Variants in SND1 observed in about 807,000 individuals in gnomAD.
SND1 encodes staphylococcal nuclease domain-containing protein 1.
A neutral mutation model predicts 121.7 loss-of-function variants in SND1; 38 were observed. The observed-to-expected ratio is 0.31, with a 90% CI of 0.24 to 0.41. The LOEUF (loss-of-function observed/expected upper bound fraction) is 0.41, where lower values mean the gene tolerates loss of function less well. SND1 is among the 10% of genes least tolerant of loss of function. The pLI is 1.00. For synonymous variants in SND1, 401 were observed against 447.4 expected (o/e 0.90, Z 1.31); for missense variants, 868 against 1,184.6 (o/e 0.73, Z 3.92).
intron 16 of SND1, among the ~76,000 whole-genome samples, chr7:128,065,489 A>G (rs1793297921): frequency 6.6e-6 from 1 of 152,234 alleles, no homozygotes. Flanking sequence ...GCAGAGGGGA[A>G]CTGACACGTG....
chr7:127,837,946 G>A (rs1286898931), intron 11 of SND1, among the ~76,000 whole-genome samples: 3 of 152,178 alleles, frequency 2.0e-5, no homozygotes, highest in Non-Finnish European at 4.4e-5. Context: ...AATGGTGAGA[G>A]CACACTTCAA....
chr7:127,822,964 C>T (rs765105747), intron 11 of SND1, among the ~76,000 whole-genome samples: 6 of 152,148 alleles, frequency 3.9e-5, no homozygotes, highest in African/African-American at 1.2e-4. Context: ...AGGTAATATA[C>T]GTTAAGCATT....
chr7:127,766,546 C>T (rs532395416), intron 10 of SND1, among the ~76,000 whole-genome samples: 14 of 152,082 alleles, frequency 9.2e-5, no homozygotes, highest in Middle Eastern at 3.4e-3. Flanking sequence ...GAGGCCAAGG[C>T]GGGCGAATCA....
At chr7:127,724,149 G>A (rs1433906146) in intron 10 of SND1, among the ~76,000 whole-genome samples, 4 of 152,168 alleles carry the variant, frequency 2.6e-5, no homozygotes, top group Non-Finnish European at 4.4e-5. Context: ...ATAAATAGAT[G>A]TCCCTTCTCT....
At position 127,852,429 on chromosome 7, in the gene SND1, T is replaced by C. The variant is rs182429263; in HGVS notation, c.1343+8005T>C. Among the ~76,000 whole-genome samples, 13 of 149,054 alleles carry C rather than the reference T, an allele frequency of 8.7e-5. No homozygotes were observed. In the East Asian group the frequency reaches 2.4e-3, roughly 27 times the overall value. ...CTTGAACCCTGGAGGCAGAAGTTGCTGTGAGCCAAGATCGCACCACTGTAC... is the reference window on the plus strand; with the variant it reads ...CTTGAACCCTGGAGGCAGAAGTTGCCGTGAGCCAAGATCGCACCACTGTAC... On this transcript the variant is annotated intron_variant, in intron 12 of 23. Coordinates refer to ENST00000354725, the MANE Select transcript of SND1 (RefSeq NM_014390.4).
intron 20 of SND1, among the ~76,000 whole-genome samples, chr7:128,086,272 C>T (rs571693554): frequency 2.0e-5 from 3 of 152,348 alleles, no homozygotes; most frequent in South Asian, 2.1e-4. Flanking sequence ...TTGACAACTC[C>T]TGGGAGATTC....
At chr7:127,833,739 A>C (rs1252512263) in intron 11 of SND1, among the ~76,000 whole-genome samples, 1 of 152,202 alleles carries the variant, frequency 6.6e-6, no homozygotes, top group Non-Finnish European at 1.5e-5. Flanking sequence ...CTTCTTATTC[A>C]ATTTTAAGTG....
chr7:128,076,661 C>T (rs1195710808), intron 17 of SND1, among the ~76,000 whole-genome samples: 2 of 152,194 alleles, frequency 1.3e-5, no homozygotes, highest in Non-Finnish European at 2.9e-5. Flanking sequence ...GCTGCCTTAC[C>T]TGTCAAGAGA....
At chr7:127,867,852 C>T (rs1563041299) in intron 12 of SND1, among the ~76,000 whole-genome samples, 1 of 151,852 alleles carries the variant, frequency 6.6e-6, no homozygotes, top group Non-Finnish European at 1.5e-5. Context: ...CCCTCCCTAC[C>T]TCTCCATGTT....
In SND1 at chr7:128,029,731, A is replaced by T; in HGVS notation, c.1779+38675A>T. The T allele has an allele frequency of 6.2e-7, 1 of 1,614,132 alleles. No individual in the cohort carries two copies. The highest frequency in any genetic ancestry group is 2.2e-5 in the East Asian group (1 of 44,878). On this transcript the variant is annotated intron_variant, in intron 16 of 23. Coordinates refer to ENST00000354725, the MANE Select transcript of SND1 (RefSeq NM_014390.4). The surrounding 1 kb of genome is among the most constrained non-coding windows in gnomAD (Gnocchi z 4.2). ...GCTAGCCACAGAATGTCACAATCACAGTTCCAAGGGTTGTGGTGTAGATGC... is the reference window on the plus strand; with the variant it reads ...GCTAGCCACAGAATGTCACAATCACTGTTCCAAGGGTTGTGGTGTAGATGC...
At chr7:127,987,159 C>T (rs1357234573) in intron 15 of SND1, among the ~76,000 whole-genome samples, 1 of 152,208 alleles carries the variant, frequency 6.6e-6, no homozygotes, top group African/African-American at 2.4e-5. Flanking sequence ...TGATATCTCA[C>T]TTCATATTTA....
intron 2 of SND1, among the ~76,000 whole-genome samples, chr7:127,690,284 G>A (rs556464402): frequency 2.0e-4 from 31 of 152,080 alleles, no homozygotes; most frequent in Admixed American, 2.0e-3. Context: ...GGTTACAAGC[G>A]CATTTGTGAT....
chr7:127,836,274 A>G (rs1339747823), intron 11 of SND1, among the ~76,000 whole-genome samples: 1 of 152,214 alleles, frequency 6.6e-6, no homozygotes, highest in East Asian at 1.9e-4. Context: ...AAAGGTTTAT[A>G]GGCATTATAG....
At chr7:127,795,177 A>G (rs1298025752) in intron 10 of SND1, among the ~76,000 whole-genome samples, 1 of 152,188 alleles carries the variant, frequency 6.6e-6, no homozygotes, top group African/African-American at 2.4e-5. Context: ...GACACTAATT[A>G]TATTTTATTT....
chr7:127,682,559 T>C (rs1003362521), intron 1 of SND1, among the ~76,000 whole-genome samples: 6 of 152,236 alleles, frequency 3.9e-5, no homozygotes, highest in Non-Finnish European at 8.8e-5. Flanking sequence ...ATTTCTGTGC[T>C]CTATAAATTA....
intron 10 of SND1, among the ~76,000 whole-genome samples, chr7:127,734,568 G>A (rs1461402873): frequency 6.6e-6 from 1 of 152,174 alleles, no homozygotes; most frequent in Admixed American, 6.5e-5. Context: ...CAAATGGTTG[G>A]AAGAAAATAC....
intron 13 of SND1, among the ~76,000 whole-genome samples, chr7:127,898,488 A>G (rs1269078971): frequency 1.3e-5 from 2 of 152,084 alleles, no homozygotes; most frequent in Admixed American, 6.6e-5. Flanking sequence ...TCCAGCTCCC[A>G]AGTAACCAGG....
intron 10 of SND1, among the ~76,000 whole-genome samples, chr7:127,773,192 G>A (rs1347912098): frequency 1.3e-5 from 2 of 152,316 alleles, no homozygotes; most frequent in East Asian, 1.9e-4. Context: ...GGTGGCTCAC[G>A]CCTGTAATCC....
chr7:128,079,895 G>A (rs322828), intron 17 of SND1, among the ~76,000 whole-genome samples: 56,988 of 151,938 alleles, frequency 0.38, 11,130 homozygotes, highest in African/African-American at 0.45. Context: ...CCTGGTTGGT[G>A]GTGTTTTCTC....
Sources: allele counts gnomAD v4.1 joint callset (sites outside exome capture counted in the v4.1 genomes callset), GRCh38; gene constraint gnomAD v4.1.1; non-coding constraint Gnocchi (gnomAD v3.1); transcripts MANE v1.5; gene names NCBI Gene and HGNC (gene_info 2026-07-23, HGNC 2026-07-21).